NEIL1: variants seen among roughly 807,000 people sequenced by gnomAD.
NEIL1 encodes the protein endonuclease 8-like 1.
A neutral mutation model predicts 44.2 loss-of-function variants in NEIL1; 31 were observed. That is an observed-to-expected ratio of 0.70 (90% confidence interval 0.53 to 0.95). The LOEUF (loss-of-function observed/expected upper bound fraction) is 0.95. Among genes scored for constraint, NEIL1 ranks in the 40% least tolerant of loss-of-function variants. NEIL1 has a pLI of 0.00. For synonymous variants in NEIL1, 254 were observed against 209.7 expected, an observed-to-expected ratio of 1.21 and a Z score of -1.83; for missense variants, 549 against 515.5, an observed-to-expected ratio of 1.07 and a Z score of -0.63.
In NEIL1 at chr15:75,353,116, T is replaced by C. The variant is rs5745922; in HGVS notation, c.718+415T>C. ...GAGATCGTGCCATTGCACTCCAGCC[T>C]GGGCAACAAGAGCAAAACTCCATCT... On this transcript the variant is annotated intron_variant, in intron 5 of 9. Transcript: ENST00000355059. The C allele has an allele frequency of 2.1e-3, 354 of 167,186 alleles. 1 individual carries two copies. Among genetic ancestry groups the C allele is most frequent in the African/African-American group, 8.3e-3 (331 of 39,752 alleles). 10.4% of individuals were successfully genotyped at this position (167,186 alleles called of 1,614,324 possible).
At chr15:75,350,580 C>T (rs181343245) in intron 2 of NEIL1, among the ~76,000 whole-genome samples, 1 of 152,236 alleles carries the variant, frequency 6.6e-6, no homozygotes, top group African/African-American at 2.4e-5. Context: ...GCTGTGCGTC[C>T]GTTGACCCTT....
chr15:75,355,869 C>T lies in NEIL1; in HGVS notation c.*835C>T, dbSNP rs2072275077. ...TGGGGAAGCAGAAATTAGGAGTCCC[C>T]AGAGCCTTCTACAAACAAAACCCCA... is the stretch of plus-strand genomic sequence containing the variant. On this transcript the variant is annotated 3_prime_UTR_variant, in exon 10 of 10. Transcript: ENST00000355059. The T allele has an allele frequency of 1.9e-6, 3 of 1,612,810 alleles. No homozygotes were observed. The highest frequency in any genetic ancestry group is 1.3e-5 in the African/African-American group (1 of 74,740).
Position 75,355,370 on chromosome 15 carries a change from A to C in NEIL1, c.*336A>C. 1 of 298,116 alleles carries C rather than the reference A, an allele frequency of 3.4e-6. No individual in the cohort carries two copies. Among genetic ancestry groups the C allele is most frequent in the Non-Finnish European group, 6.4e-6 (1 of 157,102 alleles). 18.5% of individuals were successfully genotyped at this position (298,116 alleles called of 1,614,324 possible). A position where few individuals can be genotyped will look rare whatever the true frequency, so the allele number is the denominator to read the frequency against. On this transcript the variant is annotated 3_prime_UTR_variant, in exon 10 of 10. Coordinates refer to ENST00000355059, the MANE Select transcript of NEIL1 (RefSeq NM_024608.4). ...CCCCATCCCAGTCCTCAAGGCTCTG[A>C]CTCTATCAGAGGACAGTTTGCCTCT...
Position 75,355,643 on chromosome 15 carries a change from C to A in NEIL1, c.*609C>A. On this transcript the variant is annotated 3_prime_UTR_variant, in exon 10 of 10. Coordinates refer to ENST00000355059, the MANE Select transcript of NEIL1 (RefSeq NM_024608.4). ...TGGTGGCTCGAGGTCCCCAGTCTCT[C>A]CTGTGGGGGCTGCAACCCAGACCCT... 1 of 448,620 alleles carries A rather than the reference C, an allele frequency of 2.2e-6. No individual in the cohort carries two copies. The highest frequency in any genetic ancestry group is 4.1e-6 in the Non-Finnish European group (1 of 246,772). 27.8% of individuals were successfully genotyped at this position (448,620 alleles called of 1,614,324 possible).
rs904627789 is a variant in NEIL1, at chr15:75,348,190, G to A, written c.-22-694G>A. 1.3e-5 allele frequency: 9 copies of A among 715,530 alleles called. No homozygotes were observed. In the African/African-American group the frequency reaches 1.4e-4, roughly 11 times the overall value. The allele number at this position is 715,530 out of a possible 1,614,324, so 44.3% of individuals were successfully genotyped here. The stretch of plus-strand genomic sequence containing the variant: ...CGCATGGCGGCAGCCCGCCCGCCTC[G>A]TCCTGGCCCCTGCCCTGACCCGGGG... On this transcript the variant is annotated intron_variant, in intron 1 of 9. Coordinates refer to ENST00000355059, the MANE Select transcript of NEIL1 (RefSeq NM_024608.4).
At chr15:75,348,184 C>T (rs2071590728) in intron 1 of NEIL1, 2 of 702,622 alleles carry the variant, frequency 2.8e-6, no homozygotes, top group East Asian at 1.3e-4. Context: ...GCAGCCCGCC[C>T]GCCTCGTCCT....
At chr15:75,347,661 T>G in intron 1 of NEIL1, 188 bp downstream of exon 1, 2 of 288,822 alleles carry the variant, frequency 6.9e-6, no homozygotes, top group Non-Finnish European at 1.1e-5. Flanking sequence ...GGAGTGCGGG[T>G]TCCCGGGGAG....
intron 6 of NEIL1, 76 bp from the exon 7 acceptor site, chr15:75,354,174 G>A (rs2072160648): frequency 6.6e-7 from 1 of 1,510,370 alleles, no homozygotes; most frequent in Non-Finnish European, 9.2e-7. Context: ...GGGTGTGTGT[G>A]AGTCCTGCCT....
chr15:75,356,168 G>A lies in NEIL1; in HGVS notation c.*1134G>A, dbSNP rs746573916. On this transcript the variant is annotated 3_prime_UTR_variant, in exon 10 of 10. Transcript: ENST00000355059. This position sits in a 1 kb window ranked among gnomAD's most constrained non-coding sequence, Gnocchi z 5.8. The stretch of plus-strand genomic sequence containing the variant: ...AGCCAGCAGTCCACGTGGCTGCCGT[G>A]GGCCTCATACAGCCTCAGGACCAGC... The A allele has an allele frequency of 3.7e-6, 6 of 1,613,494 alleles. No homozygotes were observed. Among genetic ancestry groups the A allele is most frequent in the Middle Eastern group, 1.6e-4 (1 of 6,082 alleles).
chr15:75,355,140 T>C lies in NEIL1; in HGVS notation c.*106T>C, dbSNP rs1457115053. ...AATATCTGAAGGTGCAAACAGGCCCTACGGCTGTTCCCTGCACAACTCTCA... is the reference window on the plus strand; with the variant it reads ...AATATCTGAAGGTGCAAACAGGCCCCACGGCTGTTCCCTGCACAACTCTCA... On this transcript the variant is annotated 3_prime_UTR_variant, in exon 10 of 10. Coordinates refer to ENST00000355059, the MANE Select transcript of NEIL1 (RefSeq NM_024608.4). 1.1e-6 allele frequency: 1 copy of C among 877,606 alleles called. No individual in the cohort carries two copies. The allele number at this position is 877,606 out of a possible 1,614,324, so 54.4% of individuals were successfully genotyped here.
At chr15:75,351,334 G>A (rs897705531) in intron 2 of NEIL1, 3 of 432,526 alleles carry the variant, frequency 6.9e-6, no homozygotes, top group Non-Finnish European at 1.4e-5. Context: ...AGAGTACAGT[G>A]GCGCCATCAC....
chr15:75,349,194 G>A lies in NEIL1; in HGVS notation c.289G>A (p.Ala97Thr). The A allele has an allele frequency of 1.9e-6, 3 of 1,609,032 alleles. No individual in the cohort carries two copies. Among genetic ancestry groups the A allele is most frequent in the Non-Finnish European group, 2.5e-6 (3 of 1,179,894 alleles). ...LVPREELPRH[A>T]HLRFYTAPPG... The stretch of plus-strand genomic sequence containing the variant: ...GCCCCGCGAGGAGCTGCCACGCCAT[G>A]CCCACCTGCGCTTTTACACGGCCCC... Residue 97 changes from alanine to threonine, a missense_variant, in exon 2 of 10, where the codon GCC (alanine) becomes ACC (threonine). Ala to Thr is a moderately conservative substitution (Grantham distance 58). Transcript: ENST00000355059.
chr15:75,347,947 C>G (rs1214097903), intron 1 of NEIL1: 7 of 1,250,238 alleles, frequency 5.6e-6, no homozygotes, highest in Non-Finnish European at 7.3e-6. Context: ...TAAGTGCCCC[C>G]TTCCACTTAA....
chr15:75,352,285 C>T (rs536157360), intron 3 of NEIL1, 39 bp from the exon 4 acceptor site: 4 of 1,613,966 alleles, frequency 2.5e-6, no homozygotes. Flanking sequence ...TGCCCACATT[C>T]CCCACTGCCT....
rs745438856 is a variant in NEIL1, at chr15:75,352,229, C to T, written c.553C>T (p.Arg185Trp). Residue 185 changes from arginine (R) to tryptophan (W), a missense_variant and splice_region_variant, in exon 3 of 10, where the codon CGG becomes TGG. Coordinates refer to ENST00000355059, the MANE Select transcript of NEIL1 (RefSeq NM_024608.4). ...CTATCTGCGGGCAGAGATCCTGTACCGGTCAGCAAGCAGGCATGGGCATGG... is the reference window on the plus strand; with the variant it reads ...CTATCTGCGGGCAGAGATCCTGTACTGGTCAGCAAGCAGGCATGGGCATGG... ...GNYLRAEILY[R>W]LKIPPFEKAR... The T allele has an allele frequency of 2.1e-5, 34 of 1,614,132 alleles. No homozygotes were observed. The Middle Eastern group carries it at 4.9e-4, about 23-fold the overall frequency.
chr15:75,355,122 G>A lies in NEIL1; in HGVS notation c.*88G>A. The A allele has an allele frequency of 2.5e-6, 3 of 1,179,034 alleles. No individual in the cohort carries two copies. The highest frequency in any genetic ancestry group is 3.7e-6 in the Non-Finnish European group (3 of 814,734). The allele number at this position is 1,179,034 out of a possible 1,614,324, so 73.0% of individuals were successfully genotyped here. A position where few individuals can be genotyped will look rare whatever the true frequency, so the allele number is the denominator to read the frequency against. On this transcript the variant is annotated 3_prime_UTR_variant, in exon 10 of 10. Coordinates refer to ENST00000355059, the MANE Select transcript of NEIL1 (RefSeq NM_024608.4). ...GAATTTTTGGGAGCAGGCAATATCTGAAGGTGCAAACAGGCCCTACGGCTG... is the reference window on the plus strand; with the variant it reads ...GAATTTTTGGGAGCAGGCAATATCTAAAGGTGCAAACAGGCCCTACGGCTG...
chr15:75,356,536 G>T lies in NEIL1; in HGVS notation c.*1502G>T. On this transcript the variant is annotated 3_prime_UTR_variant, in exon 10 of 10. Coordinates refer to ENST00000355059, the MANE Select transcript of NEIL1 (RefSeq NM_024608.4). This position sits in a 1 kb window ranked among gnomAD's most constrained non-coding sequence, Gnocchi z 5.8. Reference sequence around the variant, plus strand: ...AAGGGGCAGGAAGCCAGGTTGCTGGGGTTTGGGCTCAGGGAAGGGCAGAGA... The same window carrying T: ...AAGGGGCAGGAAGCCAGGTTGCTGGTGTTTGGGCTCAGGGAAGGGCAGAGA... The T allele has an allele frequency of 1.9e-6, 3 of 1,552,120 alleles. No individual in the cohort carries two copies. Among genetic ancestry groups the T allele is most frequent in the South Asian group, 2.4e-5 (2 of 84,798 alleles).
At position 75,356,094 on chromosome 15, in the gene NEIL1, C is replaced by T. The variant is rs1386869678; in HGVS notation, c.*1060C>T. ...GCGAGACTCGACCCCCGCCCCAATC[C>T]CACACCGCCACTCACAGGATGGCCT... On this transcript the variant is annotated 3_prime_UTR_variant, in exon 10 of 10. Coordinates refer to ENST00000355059, the MANE Select transcript of NEIL1 (RefSeq NM_024608.4). The surrounding 1 kb of genome is among the most constrained non-coding windows in gnomAD (Gnocchi z 5.8). 1 of 1,613,670 alleles carries T rather than the reference C, an allele frequency of 6.2e-7. No homozygotes were observed. Among genetic ancestry groups the T allele is most frequent in the African/African-American group, 1.3e-5 (1 of 74,938 alleles).
At position 75,352,000 on chromosome 15, in the gene NEIL1, G is replaced by C. The variant is rs560041592; in HGVS notation, c.435-111G>C. On this transcript the variant is annotated intron_variant, in intron 2 of 9. Transcript: ENST00000355059. ...AACGGGGGCAGGGAGAAGAGGAACT[G>C]TAACTCCCAGTTTCCTTCCCCTTGC... 25 of 984,388 alleles carry C rather than the reference G, an allele frequency of 2.5e-5. No individual in the cohort carries two copies. In the African/African-American group the frequency reaches 3.7e-4, roughly 15 times the overall value. 61.0% of individuals were successfully genotyped at this position (984,388 alleles called of 1,614,324 possible).
Sources: gnomAD v4.1 joint callset for allele counts (sites outside exome capture counted in the v4.1 genomes callset) on GRCh38, gnomAD v4.1.1 for gene constraint, Gnocchi (gnomAD v3.1) non-coding constraint, MANE v1.5 for transcripts, NCBI Gene and HGNC (gene_info 2026-07-23, HGNC 2026-07-21) for gene names.